The following MECOM variants were observed in gnomAD, a reference collection of about 807,000 sequenced individuals.
MECOM encodes histone-lysine N-methyltransferase MECOM.
A neutral mutation model predicts 116.3 loss-of-function variants in MECOM; 13 were observed. That is an observed-to-expected ratio of 0.11 (90% CI 0.07 to 0.18). MECOM has a LOEUF of 0.18. Ranked by LOEUF, MECOM falls within the 10% of genes least tolerant of loss-of-function variation. The probability of loss-of-function intolerance (pLI) is 1.00; values close to 1 mark genes in which losing one functional copy is unlikely to be tolerated. For missense variants in MECOM, 1,299 were observed against 1,509.0 expected (o/e 0.86, Z 2.31); for synonymous variants, 528 against 535.2 (o/e 0.99, Z 0.19).
chr3:169,646,647 CAA>C (rs1347216350), intron 1 of MECOM, among the ~76,000 whole-genome samples: 3 of 129,174 alleles, frequency 2.3e-5, no homozygotes, highest in African/African-American at 2.9e-5. Context: ...AAGTATTGTA[CAA>C]AAAAAAAAAA....
intron 1 of MECOM, among the ~76,000 whole-genome samples, chr3:169,584,373 GGCTAAC>G (rs1346617123): frequency 6.6e-6 from 1 of 151,274 alleles, no homozygotes; most frequent in Non-Finnish European, 1.5e-5. Context: ...AGACCATCTT[GGCTAAC>G]ACGGTGAAAC....
chr3:169,381,605 T>A (rs534970405), intron 1 of MECOM, 81 bp from the exon 2 acceptor site: 17 of 1,082,332 alleles, frequency 1.6e-5, no homozygotes, highest in Non-Finnish European at 2.1e-5. Context: ...CTTATTATGT[T>A]GTTCTTTGAA....
intron 3 of MECOM, 176 bp from the exon 4 acceptor site, chr3:169,131,707 T>A: frequency 1.6e-6 from 1 of 639,794 alleles, no homozygotes; most frequent in Middle Eastern, 4.5e-4. Flanking sequence ...AAACCAGCCC[T>A]CTGGTGACAA....
rs563288416 is a variant in MECOM, at chr3:169,376,060, C to G, written c.375+5127G>C. On this transcript the variant is annotated intron_variant, in intron 2 of 16. Transcript: ENST00000651503. ...CAATAAACATAATCCATCACATAAA[C>G]AGAACCATGAAAAAAAACACAGGAT... is the stretch of plus-strand genomic sequence containing the variant. Among the ~76,000 whole-genome samples the G allele has an allele frequency of 6.6e-5, 10 of 152,068 alleles. 1 individual carries two copies. The South Asian group carries it at 1.5e-3, about 22-fold the overall frequency.
At chr3:169,168,779 G>C (rs1192790377) in intron 2 of MECOM, among the ~76,000 whole-genome samples, 4 of 151,714 alleles carry the variant, frequency 2.6e-5, no homozygotes, top group Non-Finnish European at 5.9e-5. Flanking sequence ...TCAAAAAAAA[G>C]TTGGAATACT....
Position 169,406,577 on chromosome 3 carries a change from A to G in MECOM, c.38-25053T>C, listed in dbSNP as rs73038628. Among the ~76,000 whole-genome samples the G allele has an allele frequency of 6.5e-3, 987 of 152,354 alleles. 12 individuals are homozygous for G. The highest frequency in any genetic ancestry group is 0.022 in the African/African-American group (911 of 41,574). On this transcript the variant is annotated intron_variant, in intron 1 of 16. Transcript: ENST00000651503. ...AGCTGGCTTGGATAGGAATTAGAAC[A>G]TGGAAAGCAATAAAGTTTTGAATTG... is the stretch of plus-strand genomic sequence containing the variant.
chr3:169,520,470 C>T (rs573637965), intron 1 of MECOM, among the ~76,000 whole-genome samples: 84 of 152,090 alleles, frequency 5.5e-4, no homozygotes, highest in Non-Finnish European at 8.8e-4. Context: ...GCTCCAATGT[C>T]CTCACAAAAA....
chr3:169,514,185 C>T (rs564613312), intron 1 of MECOM, among the ~76,000 whole-genome samples: 1 of 152,100 alleles, frequency 6.6e-6, no homozygotes, highest in Admixed American at 6.5e-5. Flanking sequence ...AAGTGAACTC[C>T]AGAATTCCTA....
intron 1 of MECOM, among the ~76,000 whole-genome samples, chr3:169,523,854 T>C (rs1395255719): frequency 6.8e-6 from 1 of 147,848 alleles, no homozygotes; most frequent in Non-Finnish European, 1.5e-5. Flanking sequence ...GGTATGTACG[T>C]GTATGCATGT....
intron 2 of MECOM, among the ~76,000 whole-genome samples, chr3:169,299,186 C>G (rs890780287): frequency 2.6e-5 from 4 of 152,068 alleles, no homozygotes; most frequent in Non-Finnish European, 4.4e-5. Flanking sequence ...AGTCATTACT[C>G]AAGGATTAGA....
chr3:169,573,635 C>CT (rs1360768442), intron 1 of MECOM, among the ~76,000 whole-genome samples: 1 of 152,100 alleles, frequency 6.6e-6, no homozygotes, highest in Non-Finnish European at 1.5e-5. Flanking sequence ...TTTTATCTAT[C>CT]TTTTATCAGA....
chr3:169,316,248 C>T (rs1719719789), intron 2 of MECOM, among the ~76,000 whole-genome samples: 1 of 152,186 alleles, frequency 6.6e-6, no homozygotes, highest in South Asian at 2.1e-4. Context: ...CAAATAAACA[C>T]ACAGCTCAGA....
chr3:169,657,828 T>C (rs1387450523), intron 1 of MECOM, among the ~76,000 whole-genome samples: 1 of 152,230 alleles, frequency 6.6e-6, no homozygotes, highest in Non-Finnish European at 1.5e-5. Flanking sequence ...ATCTCTGAAG[T>C]TTCTTGTATG....
chr3:169,511,148 AT>A (rs533293644), intron 1 of MECOM, among the ~76,000 whole-genome samples: 252 of 152,324 alleles, frequency 1.7e-3, no homozygotes, highest in African/African-American at 5.8e-3. Context: ...CACTCTTTAG[AT>A]TCATTTTATA....
intron 1 of MECOM, among the ~76,000 whole-genome samples, chr3:169,399,043 C>A (rs1010247405): frequency 2.0e-5 from 3 of 152,106 alleles, no homozygotes; most frequent in Non-Finnish European, 4.4e-5. Flanking sequence ...GTACATAAAA[C>A]GTACCTCAAA....
intron 1 of MECOM, among the ~76,000 whole-genome samples, chr3:169,443,160 T>C (rs1483242627): frequency 6.6e-6 from 1 of 152,230 alleles, no homozygotes; most frequent in Non-Finnish European, 1.5e-5. Context: ...AATTTCTTGG[T>C]ATCCCATGGA....
intron 2 of MECOM, among the ~76,000 whole-genome samples, chr3:169,378,574 GAA>G (rs1208341573): frequency 1.8e-5 from 2 of 112,448 alleles, no homozygotes; most frequent in Non-Finnish European, 3.9e-5. Context: ...AAGAAAGAAA[GAA>G]AGAAAGAAAG....
Position 169,270,036 on chromosome 3 carries a change from A to C in MECOM, c.375+111151T>G, listed in dbSNP as rs181693830. ...GGCCCAAAGTGTAGGTGTTTTGTGC[A>C]TTTACCTTACAGAGTCATTAAAAAA... On this transcript the variant is annotated intron_variant, in intron 2 of 16. Transcript: ENST00000651503. Among the ~76,000 whole-genome samples the C allele has an allele frequency of 2.1e-4, 32 of 151,972 alleles. 1 individual carries two copies. The East Asian group carries it at 5.2e-3, about 25-fold the overall frequency.
At chr3:169,285,744 G>A (rs1713157553) in intron 2 of MECOM, among the ~76,000 whole-genome samples, 1 of 152,172 alleles carries the variant, frequency 6.6e-6, no homozygotes, top group South Asian at 2.1e-4. Flanking sequence ...CAAAGTCTTA[G>A]CTGAGCGTTT....
Sources: gnomAD v4.1 joint callset for allele counts (sites outside exome capture counted in the v4.1 genomes callset) on GRCh38, gnomAD v4.1.1 for gene constraint, MANE v1.5 for transcripts, NCBI Gene and HGNC (gene_info 2026-07-23, HGNC 2026-07-21) for gene names.